OGA: variants seen among roughly 807,000 people sequenced by gnomAD.
OGA encodes O-GlcNAcase.
In OGA, 21 loss-of-function variants were observed where a neutral mutation model predicts 102.0. That is an observed-to-expected ratio of 0.21 (90% confidence interval 0.15 to 0.30). The LOEUF (loss-of-function observed/expected upper bound fraction) is 0.30. Ranked by LOEUF, OGA falls within the 10% of genes least tolerant of loss-of-function variation. The probability of loss-of-function intolerance (pLI) is 1.00; values close to 1 mark genes in which losing one functional copy is unlikely to be tolerated. For synonymous variants in OGA, 408 were observed against 378.2 expected (o/e 1.08, Z -0.91); for missense variants, 765 against 1,107.8 (o/e 0.69, Z 4.39).
intron 14 of OGA, among the ~76,000 whole-genome samples, chr10:101,790,422 G>A (rs2065246333): frequency 6.6e-6 from 1 of 151,910 alleles, no homozygotes; most frequent in South Asian, 2.1e-4. Context: ...ACAGGCACCC[G>A]CCACCACACC....
chr10:101,790,265 G>GTTTTTTTTTTTT (rs869235919), intron 14 of OGA, among the ~76,000 whole-genome samples: 1 of 86,392 alleles, frequency 1.2e-5, no homozygotes, highest in African/African-American at 4.7e-5. Flanking sequence ...ATAATATCTT[G>GTTTTTTTTTTTT]TTTTTTTTTT....
chr10:101,805,457 C>T (rs1368027551), intron 6 of OGA, among the ~76,000 whole-genome samples: 4 of 151,460 alleles, frequency 2.6e-5, no homozygotes, highest in African/African-American at 9.7e-5. Flanking sequence ...GAGTTTGAGA[C>T]CAGCCTGGCT....
In OGA at chr10:101,813,584, A is replaced by T. The variant is rs755599248; in HGVS notation, c.222T>A (p.Val74=). ...VVEGFYGRPW[V]MEQRKELFRR... ...TAAAGAGTTCTTTTCTCTGTTCCATAACCCAAGGTCTTCCATAAAATCCTA... is the reference window on the plus strand; with the variant it reads ...TAAAGAGTTCTTTTCTCTGTTCCATTACCCAAGGTCTTCCATAAAATCCTA... The change falls in exon 2 of 16, where the codon GTT becomes GTA. Residue 74 remains valine (V), a synonymous_variant. Transcript: ENST00000361464. 2 of 1,560,106 alleles carry T rather than the reference A, an allele frequency of 1.3e-6. No homozygotes were observed. The highest frequency in any genetic ancestry group is 1.8e-6 in the Non-Finnish European group (2 of 1,137,414).
intron 14 of OGA, 98 bp from the exon 15 acceptor site, chr10:101,787,621 T>G (rs1437831203): frequency 5.3e-6 from 5 of 941,122 alleles, no homozygotes; most frequent in Non-Finnish European, 8.1e-6. Context: ...ATTTAATAAC[T>G]CTTCCAGTCA....
At chr10:101,798,633 C>T (rs562803867) in intron 9 of OGA, among the ~76,000 whole-genome samples, 2 of 152,168 alleles carry the variant, frequency 1.3e-5, no homozygotes, top group South Asian at 4.2e-4. Context: ...AGGCTGATCT[C>T]AAACTCCTGA....
At chr10:101,795,871 A>G in intron 10 of OGA, 3 of 970,056 alleles carry the variant, frequency 3.1e-6, no homozygotes, top group Non-Finnish European at 3.7e-6. Flanking sequence ...GTGTTGAGCC[A>G]CAGGCTGGAC....
chr10:101,805,438 T>A (rs1162328255), intron 6 of OGA, among the ~76,000 whole-genome samples: 1 of 151,548 alleles, frequency 6.6e-6, no homozygotes, highest in African/African-American at 2.4e-5. Flanking sequence ...GCAGATCACC[T>A]GAGGTCGGGA....
chr10:101,810,492 G>C (rs901569031), intron 3 of OGA, among the ~76,000 whole-genome samples, 178 bp from the exon 4 acceptor site: 2 of 152,230 alleles, frequency 1.3e-5, no homozygotes, highest in African/African-American at 4.8e-5. Context: ...CAAGCCTGAA[G>C]TGATTTAATG....
At chr10:101,789,328 G>A (rs1159391682) in intron 14 of OGA, among the ~76,000 whole-genome samples, 5 of 151,980 alleles carry the variant, frequency 3.3e-5, no homozygotes, top group Non-Finnish European at 7.4e-5. Context: ...GAGAAACCCC[G>A]TCTCTATTAA....
intron 5 of OGA, among the ~76,000 whole-genome samples, 173 bp from the exon 6 acceptor site, chr10:101,806,316 C>A (rs1260068814): frequency 2.0e-5 from 3 of 152,224 alleles, no homozygotes; most frequent in Non-Finnish European, 4.4e-5. Context: ...AATTCTCCTG[C>A]CTCAGCCTCC....
Position 101,793,045 on chromosome 10 carries a change from G to A in OGA, c.2071-102C>T, listed in dbSNP as rs1473178271. The A allele has an allele frequency of 4.7e-6, 4 of 851,966 alleles. No homozygotes were observed. The African/African-American group carries it at 6.7e-5, about 14-fold the overall frequency. 52.8% of individuals were successfully genotyped at this position (851,966 alleles called of 1,614,324 possible). A position where few individuals can be genotyped will look rare whatever the true frequency, so the allele number is the denominator to read the frequency against. On this transcript the variant is annotated intron_variant, in intron 11 of 15. Coordinates refer to ENST00000361464, the MANE Select transcript of OGA (RefSeq NM_012215.5). Reference sequence around the variant, plus strand: ...TACCAACTTATATTAACTGGCTACTGCAGGCAGACCTAAAGAAGAGGGGTG... The same window carrying A: ...TACCAACTTATATTAACTGGCTACTACAGGCAGACCTAAAGAAGAGGGGTG...
rs764058857 is a variant in OGA, at chr10:101,799,466, A to G, written c.1196-11T>C. On this transcript the variant is annotated splice_polypyrimidine_tract_variant and intron_variant, in intron 8 of 15. Transcript: ENST00000361464. ...GTGCAACTTGCCTACCTACAAAAAT[A>G]AATAAATGTATAAATAAAATGGTCA... 6.3e-7 allele frequency: 1 copy of G among 1,598,290 alleles called. No homozygotes were observed. The highest frequency in any genetic ancestry group is 1.1e-5 in the South Asian group (1 of 89,940).
intron 10 of OGA, among the ~76,000 whole-genome samples, chr10:101,794,914 C>T (rs779352479): frequency 7.9e-5 from 12 of 152,176 alleles, no homozygotes; most frequent in Non-Finnish European, 1.5e-4. Flanking sequence ...CAGCATTCTA[C>T]CTCCTGTTCA....
At chr10:101,804,733 G>A (rs2065444443) in intron 6 of OGA, among the ~76,000 whole-genome samples, 1 of 152,034 alleles carries the variant, frequency 6.6e-6, no homozygotes, top group South Asian at 2.1e-4. Flanking sequence ...TGGGACTACA[G>A]GTGTGCCCCA....
intron 5 of OGA, 72 bp downstream of exon 5, chr10:101,807,657 TG>T (rs2065493461): frequency 1.9e-6 from 2 of 1,054,806 alleles, no homozygotes; most frequent in Non-Finnish European, 2.6e-6. Context: ...GGAGAGAGAA[TG>T]GGGCCCATGG....
intron 11 of OGA, 158 bp downstream of exon 11, chr10:101,793,755 G>A: frequency 1.7e-6 from 1 of 578,774 alleles, no homozygotes; most frequent in Non-Finnish European, 3.1e-6. Context: ...CTGTGAAAGA[G>A]GAGGAAAATT....
intron 14 of OGA, chr10:101,787,732 G>A (rs1335805292): frequency 1.3e-5 from 7 of 524,878 alleles, no homozygotes; most frequent in Admixed American, 6.4e-5. Context: ...GCTGGAGAGG[G>A]GCAGGCATTC....
intron 10 of OGA, among the ~76,000 whole-genome samples, chr10:101,796,278 A>G (rs2065315146): frequency 6.6e-6 from 1 of 152,010 alleles, no homozygotes; most frequent in South Asian, 2.1e-4. Context: ...CCCCAGCCCC[A>G]CAAGATGAAG....
At position 101,784,774 on chromosome 10, in the gene OGA, G is replaced by T. The variant is rs1450407591; in HGVS notation, c.*1677C>A. 1.3e-5 allele frequency: 2 copies of T among 152,234 alleles called. No homozygotes were observed. The highest frequency in any genetic ancestry group is 2.9e-5 in the Non-Finnish European group (2 of 68,046). The allele number at this position is 152,234 out of a possible 1,614,324, so 9.4% of individuals were successfully genotyped here. A position where few individuals can be genotyped will look rare whatever the true frequency, so the allele number is the denominator to read the frequency against. On this transcript the variant is annotated 3_prime_UTR_variant, in exon 16 of 16. Coordinates refer to ENST00000361464, the MANE Select transcript of OGA (RefSeq NM_012215.5). ...TGCTAGAATTGTCCACTAGTGTTAA[G>T]ACGAGAAAACTGAGGAAAACTCAGC...
Sources: gnomAD v4.1 joint callset for allele counts (sites outside exome capture counted in the v4.1 genomes callset) on GRCh38, gnomAD v4.1.1 for gene constraint, MANE v1.5 for transcripts, NCBI Gene and HGNC (gene_info 2026-07-23, HGNC 2026-07-21) for gene names.